Variants in COL18A1 observed in about 807,000 individuals in gnomAD.
COL18A1 encodes collagen type XVIII alpha 1 chain.
Under a neutral mutation model 168.0 loss-of-function variants are expected in COL18A1, and 133 were observed. The observed-to-expected ratio is 0.79, with a 90% confidence interval of 0.69 to 0.91. COL18A1 has a LOEUF of 0.91. Ranked by LOEUF, COL18A1 falls within the 40% of genes least tolerant of loss-of-function variation. COL18A1 has a pLI of 0.00. For synonymous variants in COL18A1, 949 were observed against 809.0 expected, an observed-to-expected ratio of 1.17 and a Z score of -2.94; for missense variants, 2,126 against 1,925.4, an observed-to-expected ratio of 1.10 and a Z score of -1.95.
At chr21:45,412,646 A>G (rs796528070) in intron 2 of COL18A1, among the ~76,000 whole-genome samples, 3 of 152,288 alleles carry the variant, frequency 2.0e-5, no homozygotes, top group Non-Finnish European at 2.9e-5. Context: ...CCTGCGGCCC[A>G]GGCACACAGA....
intron 15 of COL18A1, among the ~76,000 whole-genome samples, chr21:45,486,646 C>T (rs1054853768): frequency 6.6e-6 from 1 of 152,244 alleles, no homozygotes; most frequent in East Asian, 1.9e-4. Flanking sequence ...GTTCGGGCTC[C>T]GTGGCTCTCT....
At chr21:45,510,932 C>CA (rs10718078) in intron 40 of COL18A1, among the ~76,000 whole-genome samples, 179 bp from the exon 41 acceptor site, 4 of 141,976 alleles carry the variant, frequency 2.8e-5, no homozygotes, top group South Asian at 2.3e-4. Context: ...CCCCACCCCC[C>CA]AAAAAAACAC....
chr21:45,441,001 C>G (rs74394028), intron 2 of COL18A1, among the ~76,000 whole-genome samples: 42 of 152,306 alleles, frequency 2.8e-4, no homozygotes, highest in African/African-American at 9.4e-4. Flanking sequence ...CTCGCTGTGC[C>G]GAGGCTGATG....
intron 18 of COL18A1, 24 bp downstream of exon 18, chr21:45,488,468 T>G (rs766587496): frequency 3.1e-6 from 5 of 1,613,824 alleles, no homozygotes; most frequent in Non-Finnish European, 4.2e-6. Context: ...ATGTCTGGGT[T>G]TCTGTGGTTG....
intron 3 of COL18A1, among the ~76,000 whole-genome samples, chr21:45,469,139 C>T (rs1270941643): frequency 1.3e-5 from 2 of 152,210 alleles, no homozygotes; most frequent in African/African-American, 2.4e-5. Flanking sequence ...AGACATCCAC[C>T]CCAGCCGTGA....
intron 2 of COL18A1, among the ~76,000 whole-genome samples, chr21:45,411,313 G>T (rs1230539450): frequency 6.6e-6 from 1 of 152,204 alleles, no homozygotes; most frequent in East Asian, 1.9e-4. Context: ...TTGGGGGCTG[G>T]CATTAGTGGA....
intron 13 of COL18A1, among the ~76,000 whole-genome samples, chr21:45,481,574 T>C (rs149768499): frequency 1.0e-3 from 157 of 152,372 alleles, no homozygotes; most frequent in Non-Finnish European, 1.9e-3. Flanking sequence ...CCATCGGCTC[T>C]GAGGCCTCTC....
intron 2 of COL18A1, among the ~76,000 whole-genome samples, chr21:45,467,084 C>T (rs764863421): frequency 2.6e-5 from 4 of 152,262 alleles, no homozygotes; most frequent in Admixed American, 6.5e-5. Context: ...CCGTTGGGAC[C>T]CCTCTGCCCC....
intron 2 of COL18A1, among the ~76,000 whole-genome samples, chr21:45,453,978 T>G (rs2034716626): frequency 6.6e-6 from 1 of 152,104 alleles, no homozygotes; most frequent in South Asian, 2.1e-4. Context: ...TGAGATGCGC[T>G]GGTGGAGGAG....
intron 4 of COL18A1, 62 bp downstream of exon 4, chr21:45,474,043 G>A: frequency 7.4e-7 from 1 of 1,358,130 alleles, no homozygotes; most frequent in Non-Finnish European, 1.0e-6. Flanking sequence ...GGAGTTCAGG[G>A]CCAAGGTCTA....
In COL18A1 at chr21:45,509,559, C is replaced by T. The variant is rs750380927; in HGVS notation, c.3453C>T (p.Pro1151=). The T allele has an allele frequency of 1.2e-5, 19 of 1,533,334 alleles. No individual in the cohort carries two copies. Among genetic ancestry groups the T allele is most frequent in the Non-Finnish European group, 1.6e-5 (18 of 1,143,004 alleles). The allele number at this position is 1,533,334 out of a possible 1,614,324, so 95.0% of individuals were successfully genotyped here. A position where few individuals can be genotyped will look rare whatever the true frequency, so the allele number is the denominator to read the frequency against. The part of the protein sequence containing the change: ...SSYVHLRPAR[P]TSPPAHSHRD... Reference sequence around the variant, plus strand: ...ACGTGCACCTGCGGCCGGCGCGACCCACAAGCCCACCCGCCCACAGCCACC... The same window carrying T: ...ACGTGCACCTGCGGCCGGCGCGACCTACAAGCCCACCCGCCCACAGCCACC... Residue 1151 remains proline (P), a synonymous_variant, in exon 39 of 42, where the codon CCC becomes CCT. Transcript: ENST00000651438.
intron 2 of COL18A1, among the ~76,000 whole-genome samples, chr21:45,435,845 G>A (rs1397988089): frequency 6.6e-6 from 1 of 152,170 alleles, no homozygotes; most frequent in Non-Finnish European, 1.5e-5. Flanking sequence ...AGGATCGTGG[G>A]TCTGTCAATT....
rs1198903884 is a variant in COL18A1 at position 45,504,527 on chromosome 21, C to T, written c.2839C>T (p.Pro947Ser). Reference protein sequence around the residue: ...LPGPPGPPGPPGPRGYPGIPG... With the variant: ...LPGPPGPPGPSGPRGYPGIPG... ...CGGCCCCCCCGGCCCCCCAGGCCCCCCAGGCCCACGTGGCTACCCTGGGAT... is the reference window on the plus strand; with the variant it reads ...CGGCCCCCCCGGCCCCCCAGGCCCCTCAGGCCCACGTGGCTACCCTGGGAT... The change falls in exon 34 of 42, where the codon CCA (proline) becomes TCA (serine). Residue 947 changes from proline (P) to serine (S), a missense_variant. By Grantham distance (74) the Pro-to-Ser change is moderately conservative. Transcript: ENST00000651438. 1.4e-5 allele frequency: 21 copies of T among 1,517,338 alleles called. No individual in the cohort carries two copies. Among genetic ancestry groups the T allele is most frequent in the Non-Finnish European group, 1.7e-5 (19 of 1,110,018 alleles). The allele number at this position is 1,517,338 out of a possible 1,614,324, so 94.0% of individuals were successfully genotyped here. A position where few individuals can be genotyped will look rare whatever the true frequency, so the allele number is the denominator to read the frequency against.
intron 2 of COL18A1, chr21:45,456,039 C>A (rs2145852601): frequency 6.2e-7 from 1 of 1,608,746 alleles, no homozygotes; most frequent in South Asian, 1.1e-5. Flanking sequence ...ACTCTCTGGC[C>A]CAGCCGTGGC....
At chr21:45,413,140 A>AG (rs1243493226) in intron 2 of COL18A1, among the ~76,000 whole-genome samples, 2 of 152,158 alleles carry the variant, frequency 1.3e-5, no homozygotes, top group African/African-American at 4.8e-5. Flanking sequence ...CAGTGGAGAG[A>AG]GGGCTCCATC....
At chr21:45,477,046 T>C (rs879927394) in intron 6 of COL18A1, among the ~76,000 whole-genome samples, 3 of 152,068 alleles carry the variant, frequency 2.0e-5, no homozygotes, top group Non-Finnish European at 4.4e-5. Flanking sequence ...TTGGTTTTCA[T>C]TTTTATTTTA....
At chr21:45,486,744 C>A in intron 15 of COL18A1, 117 bp from the exon 16 acceptor site, 1 of 1,179,188 alleles carries the variant, frequency 8.5e-7, no homozygotes, top group Non-Finnish European at 1.2e-6. Flanking sequence ...GCAGAATGTT[C>A]CTTACCTTTT....
chr21:45,438,370 G>GCA (rs771862984), intron 2 of COL18A1, among the ~76,000 whole-genome samples: 2 of 137,428 alleles, frequency 1.5e-5, no homozygotes, highest in Non-Finnish European at 3.1e-5. Flanking sequence ...GCACTCTCCT[G>GCA]CACACACACA....
intron 2 of COL18A1, among the ~76,000 whole-genome samples, chr21:45,412,462 A>C (rs1166099094): frequency 6.6e-6 from 1 of 151,854 alleles, no homozygotes; most frequent in Non-Finnish European, 1.5e-5. Context: ...GGCTGGTCTC[A>C]AACTCCTGAC....
Sources: allele counts gnomAD v4.1 joint callset (sites outside exome capture counted in the v4.1 genomes callset), GRCh38; gene constraint gnomAD v4.1.1; transcripts MANE v1.5; gene names NCBI Gene and HGNC (gene_info 2026-07-23, HGNC 2026-07-21).